Variants in MAOA observed in about 807,000 individuals in gnomAD.
MAOA encodes monoamine oxidase A.
Under a neutral mutation model 42.0 loss-of-function variants are expected in MAOA, and 6 were observed. The ratio of observed to expected loss-of-function variants is 0.14; its 90% CI spans 0.08 to 0.28. The LOEUF (loss-of-function observed/expected upper bound fraction) is 0.28, where lower values mean the gene tolerates loss of function less well. Ranked by LOEUF, MAOA falls within the 10% of genes least tolerant of loss-of-function variation. The probability of loss-of-function intolerance (pLI) is 1.00; values close to 1 mark genes in which losing one functional copy is unlikely to be tolerated. For missense variants in MAOA, 262 were observed against 422.3 expected, an observed-to-expected ratio of 0.62 and a Z score of 3.33; for synonymous variants, 140 against 154.0, an observed-to-expected ratio of 0.91 and a Z score of 0.67.
rs370957249 is a variant in MAOA, at chrX:43,684,237, C to T, written c.168+630C>T. 9.9e-5 allele frequency among the ~76,000 whole-genome samples: 11 copies of T among 111,462 alleles called. No individual in the cohort carries two copies. The East Asian group carries it at 3.1e-3, about 31-fold the overall frequency. ...TTGCTACATCGCTGCTTTTTTTATA[C>T]TTCGGCTTACATCACCATTCTGGAA... On this transcript the variant is annotated intron_variant, in intron 2 of 14. Transcript: ENST00000338702.
intron 1 of MAOA, among the ~76,000 whole-genome samples, chrX:43,682,380 G>A (rs1439391969): frequency 9.0e-6 from 1 of 111,206 alleles, no homozygotes; most frequent in African/African-American, 3.3e-5. Context: ...AGAAAGGAAG[G>A]AAGTGTTTAA....
At chrX:43,734,702 G>A (rs2033907756) in intron 9 of MAOA, among the ~76,000 whole-genome samples, 1 of 111,761 alleles carries the variant, frequency 8.9e-6, no homozygotes, top group African/African-American at 3.3e-5. Context: ...AAGCCAGCAT[G>A]TTTAATTTCC....
chrX:43,662,751 G>T (rs1290047990), intron 1 of MAOA, among the ~76,000 whole-genome samples: 1 of 110,712 alleles, frequency 9.0e-6, no homozygotes, highest in Non-Finnish European at 1.9e-5. Context: ...GTAGACACCC[G>T]ATAAATAGTT....
chrX:43,715,719 G>C (rs751971850), intron 5 of MAOA, among the ~76,000 whole-genome samples: 4 of 110,197 alleles, frequency 3.6e-5, no homozygotes, highest in African/African-American at 1.3e-4. Flanking sequence ...TGGTGTTTTC[G>C]GGGACATGGA....
At chrX:43,712,104 C>G in intron 4 of MAOA, 128 bp downstream of exon 4, 1 of 549,971 alleles carries the variant, frequency 1.8e-6, no homozygotes, top group East Asian at 3.5e-5. Flanking sequence ...TGTACCCAAA[C>G]TGCAAAGTTG....
chrX:43,735,245 G>T (rs1328789390), intron 9 of MAOA, among the ~76,000 whole-genome samples: 1 of 111,771 alleles, frequency 8.9e-6, no homozygotes. Context: ...TGTCCTTTTG[G>T]TCTTGAATAA....
chrX:43,661,913 C>A (rs2033236818), intron 1 of MAOA, among the ~76,000 whole-genome samples: 1 of 111,620 alleles, frequency 9.0e-6, no homozygotes, highest in Non-Finnish European at 1.9e-5. Flanking sequence ...GAATTCAGTG[C>A]TGTATAAAAC....
chrX:43,722,264 A>G (rs2033797220), intron 5 of MAOA, among the ~76,000 whole-genome samples: 1 of 112,333 alleles, frequency 8.9e-6, no homozygotes, highest in Non-Finnish European at 1.9e-5. Context: ...AGGAATCACC[A>G]TACTGTCTTC....
chrX:43,658,964 T>C (rs964089300), intron 1 of MAOA, among the ~76,000 whole-genome samples: 3 of 111,436 alleles, frequency 2.7e-5, no homozygotes, highest in African/African-American at 9.8e-5. Context: ...CTGTGGCAGT[T>C]TTATATGCCT....
At chrX:43,727,607 G>A (rs914795503) in intron 5 of MAOA, among the ~76,000 whole-genome samples, 1 of 112,907 alleles carries the variant, frequency 8.9e-6, no homozygotes, top group East Asian at 2.8e-4. Flanking sequence ...CTCCATGGGT[G>A]TGGGACCCAC....
chrX:43,660,668 C>T (rs1183774737), intron 1 of MAOA, among the ~76,000 whole-genome samples: 3 of 111,720 alleles, frequency 2.7e-5, no homozygotes, highest in Non-Finnish European at 5.6e-5. Flanking sequence ...ACTCTGGCTC[C>T]CATTGATTTT....
At chrX:43,729,852 C>T (rs1252645537) in intron 6 of MAOA, among the ~76,000 whole-genome samples, 2 of 111,020 alleles carry the variant, frequency 1.8e-5, no homozygotes, top group African/African-American at 6.6e-5. Context: ...AAAATCACTG[C>T]GTGGCTGCTT....
At chrX:43,676,700 A>G (rs151315153) in intron 1 of MAOA, among the ~76,000 whole-genome samples, 2 of 111,718 alleles carry the variant, frequency 1.8e-5, no homozygotes, top group African/African-American at 6.5e-5. Flanking sequence ...GGCTCTGGAG[A>G]TACAGCAATA....
At chrX:43,696,922 T>G (rs1450225458) in intron 3 of MAOA, among the ~76,000 whole-genome samples, 1 of 111,755 alleles carries the variant, frequency 8.9e-6, no homozygotes, top group Non-Finnish European at 1.9e-5. Flanking sequence ...GCCTACACTT[T>G]GGACAACAAA....
chrX:43,696,317 C>A (rs6520897), intron 3 of MAOA, among the ~76,000 whole-genome samples: 1,144 of 112,162 alleles, frequency 0.01, 16 homozygotes, highest in African/African-American at 0.034. Context: ...TTTTATTTCA[C>A]AAAAATACAA....
chrX:43,684,103 C>T lies in MAOA; in HGVS notation c.168+496C>T, dbSNP rs2033465505. 2.7e-5 allele frequency among the ~76,000 whole-genome samples: 3 copies of T among 111,541 alleles called. No homozygotes were observed. In the Admixed American group the frequency reaches 2.9e-4, roughly 11 times the overall value. The stretch of plus-strand genomic sequence containing the variant: ...CTGCAGTAAGCAGGAACAAATGTAG[C>T]ATATTTTTGCATAACTTTTCCCTTG... On this transcript the variant is annotated intron_variant, in intron 2 of 14. Transcript: ENST00000338702.
At chrX:43,673,989 C>G (rs2033363837) in intron 1 of MAOA, among the ~76,000 whole-genome samples, 1 of 112,874 alleles carries the variant, frequency 8.9e-6, no homozygotes, top group Non-Finnish European at 1.9e-5. Context: ...GAGTTCAATT[C>G]CTGGATATCC....
At chrX:43,665,945 A>T (rs1169457665) in intron 1 of MAOA, among the ~76,000 whole-genome samples, 1 of 112,226 alleles carries the variant, frequency 8.9e-6, no homozygotes, top group Non-Finnish European at 1.9e-5. Context: ...TGGTTCAAAG[A>T]TCAGAGAATG....
In MAOA at chrX:43,656,311, G is replaced by C. The variant is rs774554082; in HGVS notation, c.-31G>C. 2.5e-6 allele frequency: 3 copies of C among 1,194,806 alleles called. No homozygotes were observed. The African/African-American group carries it at 5.3e-5, about 21-fold the overall frequency. On this transcript the variant is annotated 5_prime_UTR_variant, in exon 1 of 15. Transcript: ENST00000338702. Reference sequence around the variant, plus strand: ...CACCCTTTGCCGTCCCCACTCCTGTGCCTACGACCCAGGAGCGTGTCAGCC... The same window carrying C: ...CACCCTTTGCCGTCCCCACTCCTGTCCCTACGACCCAGGAGCGTGTCAGCC...
Sources: gnomAD v4.1 joint callset for allele counts (sites outside exome capture counted in the v4.1 genomes callset) on GRCh38, gnomAD v4.1.1 for gene constraint, MANE v1.5 for transcripts, NCBI Gene and HGNC (gene_info 2026-07-23, HGNC 2026-07-21) for gene names.